ALOXE3: variants seen among roughly 807,000 people sequenced by gnomAD.
ALOXE3 encodes the protein arachidonate epidermal lipoxygenase 3.
In ALOXE3, 78 loss-of-function variants were observed where a neutral mutation model predicts 87.5. That is an observed-to-expected ratio of 0.89 (90% CI 0.74 to 1.08). The LOEUF (loss-of-function observed/expected upper bound fraction) is 1.08, where lower values mean the gene tolerates loss of function less well. ALOXE3 is among the 50% of genes least tolerant of loss of function. The probability of loss-of-function intolerance (pLI) is 0.00; values close to 1 mark genes in which losing one functional copy is unlikely to be tolerated. For missense variants in ALOXE3, 946 were observed against 912.4 expected, an observed-to-expected ratio of 1.04 and a Z score of -0.47; for synonymous variants, 363 against 370.8, an observed-to-expected ratio of 0.98 and a Z score of 0.24.
At position 8,115,590 on chromosome 17, in the gene ALOXE3, A is replaced by G. The variant is rs1324090305; in HGVS notation, c.434+17T>C. 3.7e-5 allele frequency: 60 copies of G among 1,606,228 alleles called. No individual in the cohort carries two copies. Among genetic ancestry groups the G allele is most frequent in the Non-Finnish European group, 4.9e-5 (57 of 1,172,904 alleles). The stretch of plus-strand genomic sequence containing the variant: ...AGGATAAAGATGGGGAAAGAAGTCA[A>G]ATTAGGCCACCCTCACCGGTAGCAT... On this transcript the variant is annotated intron_variant, in intron 4 of 15. Transcript: ENST00000448843.
chr17:8,114,350 A>C (rs1980386379), intron 6 of ALOXE3, 134 bp downstream of exon 6: 9 of 1,218,324 alleles, frequency 7.4e-6, no homozygotes, highest in Non-Finnish European at 8.3e-6. Flanking sequence ...GGGAGAGGGA[A>C]TGAGTCCAGA....
chr17:8,117,230 C>T (rs1484770156), intron 2 of ALOXE3, among the ~76,000 whole-genome samples: 1 of 152,232 alleles, frequency 6.6e-6, no homozygotes, highest in Non-Finnish European at 1.5e-5. Context: ...TTGAGACCAG[C>T]CTGCCCGATG....
intron 6 of ALOXE3, among the ~76,000 whole-genome samples, chr17:8,113,275 G>A (rs778113455): frequency 1.2e-4 from 18 of 152,132 alleles, no homozygotes; most frequent in Non-Finnish European, 2.4e-4. Flanking sequence ...TATACTATGA[G>A]CTCCTCAGGG....
chr17:8,111,355 C>A lies in ALOXE3; in HGVS notation c.957+4G>T, dbSNP rs765319339. The A allele has an allele frequency of 6.2e-7, 1 of 1,612,828 alleles. No individual in the cohort carries two copies. Among genetic ancestry groups the A allele is most frequent in the South Asian group, 1.1e-5 (1 of 91,006 alleles). On this transcript the variant is annotated splice_donor_region_variant and intron_variant, in intron 8 of 15. Transcript: ENST00000448843. The stretch of plus-strand genomic sequence containing the variant: ...TCAGGCCCACTGCCCAGATCCTTAC[C>A]CACCTCTAGCTCTGTCTGCAGGCAT...
upstream of ALOXE3, chr17:8,118,547 C>A: frequency 6.5e-7 from 1 of 1,527,748 alleles, no homozygotes; most frequent in African/African-American, 1.4e-5. Context: ...TGCACTTGGT[C>A]ATAAATCACA....
intron 11 of ALOXE3, 126 bp from the exon 12 acceptor site, chr17:8,109,469 C>G: frequency 7.6e-7 from 1 of 1,309,576 alleles, no homozygotes; most frequent in Non-Finnish European, 1.1e-6. Context: ...ATCCACGGAT[C>G]AAATACCCAC....
chr17:8,098,365 G>A (rs563162152), intron 15 of ALOXE3, among the ~76,000 whole-genome samples: 65 of 144,088 alleles, frequency 4.5e-4, no homozygotes, highest in African/African-American at 1.3e-3. Context: ...TCAGCCTCCC[G>A]AGTAGCTGGG....
rs1406055133 is a variant in ALOXE3 at position 8,111,453 on chromosome 17, T to C, written c.863A>G (p.His288Arg). 3.7e-6 allele frequency: 6 copies of C among 1,614,032 alleles called. No individual in the cohort carries two copies. The highest frequency in any genetic ancestry group is 1.3e-5 in the African/African-American group (1 of 74,896). ...CTTGCTGGGCAAGCTAGAGATGCAGTGGAGCATGACGGGATTGACACCATT... is the reference window on the plus strand; with the variant it reads ...CTTGCTGGGCAAGCTAGAGATGCAGCGGAGCATGACGGGATTGACACCATT... ...YLNGVNPVML[H>R]CISSLPSKLP... Residue 288 changes from histidine to arginine, a missense_variant, in exon 8 of 16, where the codon CAC (histidine) becomes CGC (arginine). Transcript: ENST00000448843.
intron 13 of ALOXE3, among the ~76,000 whole-genome samples, chr17:8,107,840 A>AGGTTGGTG (rs1491185832): frequency 8.0e-3 from 35 of 4,392 alleles, no homozygotes; most frequent in Middle Eastern, 0.12. Context: ...AAAGAAAGAA[A>AGGTTGGTG]GAAAGAAAGA....
intron 1 of ALOXE3, 38 bp from the exon 2 acceptor site, chr17:8,118,341 G>A: frequency 1.9e-6 from 3 of 1,551,834 alleles, no homozygotes; most frequent in Non-Finnish European, 2.6e-6. Flanking sequence ...ATGGAGAAAA[G>A]GAGGTAACGC....
intron 7 of ALOXE3, among the ~76,000 whole-genome samples, 187 bp from the exon 8 acceptor site, chr17:8,111,718 G>C (rs1433003002): frequency 6.6e-6 from 1 of 152,210 alleles, no homozygotes; most frequent in Admixed American, 6.5e-5. Flanking sequence ...TTGCACAGCT[G>C]AGTGGCAGAG....
At chr17:8,105,829 C>A (rs1201880913) in intron 13 of ALOXE3, among the ~76,000 whole-genome samples, 1 of 145,294 alleles carries the variant, frequency 6.9e-6, no homozygotes, top group Non-Finnish European at 1.5e-5. Context: ...GCATGAGGAT[C>A]ACTTGAGCCT....
At chr17:8,100,728 C>CT (rs1369735209) in intron 15 of ALOXE3, among the ~76,000 whole-genome samples, 1 of 152,172 alleles carries the variant, frequency 6.6e-6, no homozygotes, top group African/African-American at 2.4e-5. Flanking sequence ...TAGGAATCCT[C>CT]TCTCTGCGGC....
intron 13 of ALOXE3, 77 bp from the exon 14 acceptor site, chr17:8,104,292 A>C: frequency 9.1e-7 from 1 of 1,096,112 alleles, no homozygotes; most frequent in Non-Finnish European, 1.4e-6. Flanking sequence ...ACTGGGGCTC[A>C]CCACAGGGGG....
chr17:8,101,178 C>T (rs1978900703), intron 15 of ALOXE3, among the ~76,000 whole-genome samples: 2 of 152,074 alleles, frequency 1.3e-5, no homozygotes, highest in African/African-American at 4.8e-5. Context: ...AGGCATGCAT[C>T]ATCATGCCCA....
intron 7 of ALOXE3, 61 bp downstream of exon 7, chr17:8,112,032 G>A: frequency 6.8e-7 from 1 of 1,471,522 alleles, no homozygotes; most frequent in East Asian, 2.3e-5. Context: ...AGGAAGGAGA[G>A]GAAGGGGTCT....
intron 13 of ALOXE3, among the ~76,000 whole-genome samples, 160 bp downstream of exon 13, chr17:8,108,308 T>C (rs1979684878): frequency 6.6e-6 from 1 of 152,240 alleles, no homozygotes; most frequent in South Asian, 2.1e-4. Context: ...GAACCCGCCT[T>C]GCACAGCCTT....
chr17:8,118,163 T>C lies in ALOXE3; in HGVS notation c.-173A>G, dbSNP rs1980784670. On this transcript the variant is annotated 5_prime_UTR_variant, in exon 2 of 16. Coordinates refer to ENST00000448843, the MANE Select transcript of ALOXE3 (RefSeq NM_021628.3). ...CTCTCTGGGATGTTCCTGGGCTTTC[T>C]CTCTCCGAAGCTCCCTGCTGGCGGC... is the stretch of plus-strand genomic sequence containing the variant. 6.4e-7 allele frequency: 1 copy of C among 1,551,524 alleles called. No homozygotes were observed. The highest frequency in any genetic ancestry group is 8.7e-7 in the Non-Finnish European group (1 of 1,146,988).
chr17:8,099,625 C>T (rs1398857589), intron 15 of ALOXE3, among the ~76,000 whole-genome samples: 3 of 150,722 alleles, frequency 2.0e-5, no homozygotes, highest in African/African-American at 4.9e-5. Context: ...CGCGCCACTG[C>T]ACTCTAGCCT....
Sources: allele counts gnomAD v4.1 joint callset (sites outside exome capture counted in the v4.1 genomes callset), GRCh38; gene constraint gnomAD v4.1.1; transcripts MANE v1.5; gene names NCBI Gene and HGNC (gene_info 2026-07-23, HGNC 2026-07-21).